PDE1C: variants seen among roughly 807,000 people sequenced by gnomAD.
PDE1C encodes dual specificity calcium/calmodulin-dependent 3',5'-cyclic nucleotide phosphodiesterase 1C.
A neutral mutation model predicts 93.1 loss-of-function variants in PDE1C; 62 were observed. That is an observed-to-expected ratio of 0.67 (90% CI 0.54 to 0.82). The LOEUF (loss-of-function observed/expected upper bound fraction) is 0.82, where lower values mean the gene tolerates loss of function less well. PDE1C is among the 40% of genes least tolerant of loss of function. PDE1C has a pLI of 0.00. For missense variants in PDE1C, 742 were observed against 884.6 expected (o/e 0.84, Z 2.04); for synonymous variants, 325 against 310.1 (o/e 1.05, Z -0.50).
At chr7:31,804,500 T>C (rs1005494254) in intron 16 of PDE1C, among the ~76,000 whole-genome samples, 14 of 151,898 alleles carry the variant, frequency 9.2e-5, no homozygotes, top group Admixed American at 2.6e-4. Flanking sequence ...TCCCAGGGGA[T>C]GTCTAAAACC....
In PDE1C at chr7:32,234,807, C is replaced by T. The variant is rs540076592; in HGVS notation, c.86-25268G>A. ...CTCTGATACCAAAACCAAACAAAGA[C>T]AGCACAAAGAGAAAAACAACCACAA... On this transcript the variant is annotated intron_variant, in intron 1 of 18. Transcript: ENST00000396193. 1.2e-4 allele frequency among the ~76,000 whole-genome samples: 19 copies of T among 152,078 alleles called. No individual in the cohort carries two copies. In the East Asian group the frequency reaches 3.7e-3, roughly 29 times the overall value.
At chr7:32,203,745 T>C (rs940126297) in intron 2 of PDE1C, among the ~76,000 whole-genome samples, 2 of 152,190 alleles carry the variant, frequency 1.3e-5, no homozygotes, top group Non-Finnish European at 2.9e-5. Context: ...TGCTCATGTC[T>C]ACCCTCCGCA....
intron 3 of PDE1C, among the ~76,000 whole-genome samples, chr7:32,096,976 A>T (rs1169015891): frequency 6.6e-6 from 1 of 152,242 alleles, no homozygotes; most frequent in African/African-American, 2.4e-5. Context: ...ACCCTGGAGA[A>T]CCAATGGTGA....
chr7:31,775,106 A>G (rs1043725208), intron 17 of PDE1C, among the ~76,000 whole-genome samples: 1 of 152,218 alleles, frequency 6.6e-6, no homozygotes, highest in African/African-American at 2.4e-5. Context: ...ATTTGCCAGT[A>G]CATGTGAGAT....
At chr7:31,854,258 G>A (rs1793720015) in intron 7 of PDE1C, among the ~76,000 whole-genome samples, 1 of 152,076 alleles carries the variant, frequency 6.6e-6, no homozygotes, top group Admixed American at 6.6e-5. Flanking sequence ...CAGAGAAAGT[G>A]GGAGAAGCTA....
At chr7:32,041,819 G>C (rs1791857379) in intron 2 of PDE1C, among the ~76,000 whole-genome samples, 1 of 152,102 alleles carries the variant, frequency 6.6e-6, no homozygotes, top group South Asian at 2.1e-4. Context: ...TTTCCTGAGA[G>C]CTTCAACTTT....
At chr7:32,265,798 C>T (rs546004668) in intron 1 of PDE1C, among the ~76,000 whole-genome samples, 3 of 152,204 alleles carry the variant, frequency 2.0e-5, no homozygotes, top group South Asian at 2.1e-4. Context: ...CTTGGTATTA[C>T]GCATGTTCAC....
At chr7:31,999,905 A>C (rs986150899) in intron 2 of PDE1C, among the ~76,000 whole-genome samples, 3 of 152,206 alleles carry the variant, frequency 2.0e-5, no homozygotes, top group Admixed American at 6.5e-5. Flanking sequence ...AGTGGTGGGA[A>C]GAACAGGCAC....
rs559555289 is a variant in PDE1C, at chr7:32,195,277, G to C, written c.136+14212C>G. 6.6e-5 allele frequency among the ~76,000 whole-genome samples: 10 copies of C among 152,250 alleles called. No individual in the cohort carries two copies. The East Asian group carries it at 1.9e-3, about 29-fold the overall frequency. On this transcript the variant is annotated intron_variant, in intron 2 of 18. Transcript: ENST00000396193. ...TCTCTTATTGTTTTCTTTTTGTTTA[G>C]AGAACTTTCTTTAGATATTCTTTTA... is the stretch of plus-strand genomic sequence containing the variant.
chr7:31,990,611 T>C (rs538810176), intron 2 of PDE1C, among the ~76,000 whole-genome samples: 20 of 152,320 alleles, frequency 1.3e-4, no homozygotes, highest in African/African-American at 4.3e-4. Context: ...CCTCAATATT[T>C]GTTTGATTTT....
At position 31,877,963 on chromosome 7, in the gene PDE1C, G is replaced by A. The variant is rs375282867; in HGVS notation, c.492+7C>T. Reference sequence around the variant, plus strand: ...TGTACATTGTAAAATCTTTTCACTCGTATTACCTTTAATGCCTCAATAACA... The same window carrying A: ...TGTACATTGTAAAATCTTTTCACTCATATTACCTTTAATGCCTCAATAACA... On this transcript the variant is annotated splice_region_variant and intron_variant, in intron 5 of 17. Transcript: ENST00000396191. The A allele has an allele frequency of 1.3e-4, 211 of 1,595,648 alleles. No homozygotes were observed. The highest frequency in any genetic ancestry group is 3.4e-4 in the Middle Eastern group (2 of 5,926).
At chr7:32,139,651 G>T (rs1800407853) in intron 3 of PDE1C, among the ~76,000 whole-genome samples, 1 of 152,142 alleles carries the variant, frequency 6.6e-6, no homozygotes, top group South Asian at 2.1e-4. Flanking sequence ...TTTGCCTCAG[G>T]AATTGATCCT....
intron 2 of PDE1C, among the ~76,000 whole-genome samples, chr7:32,042,573 G>A (rs1791971687): frequency 1.3e-5 from 2 of 152,174 alleles, no homozygotes; most frequent in Admixed American, 1.3e-4. Context: ...GGGGCCCTCT[G>A]GACATACCTA....
chr7:31,864,070 G>A (rs191850782), intron 7 of PDE1C, among the ~76,000 whole-genome samples: 263 of 152,256 alleles, frequency 1.7e-3, no homozygotes, highest in African/African-American at 5.8e-3. Context: ...AGGAGATTTC[G>A]AAGTAAAAAT....
At chr7:31,927,658 G>T (rs1803581180) in intron 2 of PDE1C, among the ~76,000 whole-genome samples, 1 of 152,146 alleles carries the variant, frequency 6.6e-6, no homozygotes, top group Non-Finnish European at 1.5e-5. Flanking sequence ...GGCAAACAGG[G>T]TCTGGAGTGG....
chr7:32,347,059 G>T (rs1783866560), intron 1 of PDE1C, among the ~76,000 whole-genome samples: 1 of 152,150 alleles, frequency 6.6e-6, no homozygotes, highest in Non-Finnish European at 1.5e-5. Flanking sequence ...CACTAAAAAT[G>T]AGTAAATTTT....
At chr7:31,911,439 T>C (rs1801236157) in intron 2 of PDE1C, among the ~76,000 whole-genome samples, 1 of 152,174 alleles carries the variant, frequency 6.6e-6, no homozygotes, top group Non-Finnish European at 1.5e-5. Context: ...GAGCTTTTCC[T>C]ACACGGCCCC....
chr7:32,425,903 T>A (rs1231392534), intron 1 of PDE1C, among the ~76,000 whole-genome samples: 1 of 151,912 alleles, frequency 6.6e-6, no homozygotes, highest in Non-Finnish European at 1.5e-5. Flanking sequence ...CTCGCACCAC[T>A]GCAGACAGTG....
intron 2 of PDE1C, among the ~76,000 whole-genome samples, chr7:31,908,282 T>C (rs1027864467): frequency 2.6e-5 from 4 of 152,204 alleles, no homozygotes; most frequent in Non-Finnish European, 5.9e-5. Context: ...CTTTTTTAAA[T>C]TGTTGCTTCT....
Sources: gnomAD v4.1 joint callset for allele counts (sites outside exome capture counted in the v4.1 genomes callset) on GRCh38, gnomAD v4.1.1 for gene constraint, MANE v1.5 for transcripts, NCBI Gene and HGNC (gene_info 2026-07-23, HGNC 2026-07-21) for gene names.